PSMG1: variants seen among roughly 807,000 people sequenced by gnomAD.
PSMG1 encodes proteasome assembly chaperone 1.
A neutral mutation model predicts 37.2 loss-of-function variants in PSMG1; 23 were observed. That is an observed-to-expected ratio of 0.62 (90% CI 0.44 to 0.88). PSMG1 has a LOEUF of 0.88. Ranked by LOEUF, PSMG1 falls within the 40% of genes least tolerant of loss-of-function variation. The pLI is 0.00. For missense variants in PSMG1, 340 were observed against 344.2 expected (o/e 0.99, Z 0.10); for synonymous variants, 127 against 128.0 (o/e 0.99, Z 0.05).
chr21:39,183,126 G>A lies in PSMG1; in HGVS notation c.134+126C>T, dbSNP rs531202347. ...GACCCAGGGCCCAAGCAGAGCCAAG[G>A]AGCGGCGGCAACCGCGGGGGCCACT... On this transcript the variant is annotated intron_variant, in intron 1 of 6. Coordinates refer to ENST00000331573, the MANE Select transcript of PSMG1 (RefSeq NM_003720.4). 85 of 1,229,024 alleles carry A rather than the reference G, an allele frequency of 6.9e-5. No homozygotes were observed. The East Asian group carries it at 2.4e-3, about 35-fold the overall frequency. The allele number at this position is 1,229,024 out of a possible 1,614,324, so 76.1% of individuals were successfully genotyped here.
In PSMG1 at chr21:39,177,497, G is replaced by C. The variant is rs1213399019; in HGVS notation, c.730C>G (p.Leu244Val). 1 of 1,608,372 alleles carries C rather than the reference G, an allele frequency of 6.2e-7. No individual in the cohort carries two copies. Among genetic ancestry groups the C allele is most frequent in the East Asian group, 2.2e-5 (1 of 44,544 alleles). ...GGCTTAAAAGCTTCCACTGTGATTA[G>C]GTCTAATTTCATCACATCAGTATAA... ...LCYTDVMKLDLITVEAFKPIL... is the reference protein window; with the variant it reads ...LCYTDVMKLDVITVEAFKPIL... The change falls in exon 6 of 7, where the codon CTA becomes GTA. Residue 244 changes from leucine (L) to valine (V), a missense_variant. By Grantham distance (32) the Leu-to-Val change is conservative. Transcript: ENST00000331573.
chr21:39,180,360 A>G lies in PSMG1; in HGVS notation c.318T>C (p.Cys106=), dbSNP rs762120987. ...ACAGATGTGTAGTGTCTGTTGTTCT[A>G]CACCATTCATTCCAGAGTTTAGCAC... ...VGCAKLWNEW[C]RTTDTTHLSS... Residue 106 remains cysteine (C), a synonymous_variant, in exon 3 of 7, where the codon TGT becomes TGC. Transcript: ENST00000331573. 1 of 1,612,756 alleles carries G rather than the reference A, an allele frequency of 6.2e-7. No individual in the cohort carries two copies. Among genetic ancestry groups the G allele is most frequent in the South Asian group, 1.1e-5 (1 of 90,752 alleles).
At chr21:39,177,370 T>C in intron 6 of PSMG1, 65 bp downstream of exon 6, 1 of 1,385,714 alleles carries the variant, frequency 7.2e-7, no homozygotes, top group Non-Finnish European at 9.6e-7. Flanking sequence ...ACAGTATACA[T>C]TTATGTTTGT....
chr21:39,178,411 A>G (rs781470596), intron 5 of PSMG1, 38 bp downstream of exon 5: 24 of 1,553,230 alleles, frequency 1.5e-5, no homozygotes, highest in Non-Finnish European at 1.9e-5. Context: ...CAATAAAGCA[A>G]TAAGATAGAA....
intron 1 of PSMG1, among the ~76,000 whole-genome samples, chr21:39,182,899 T>C (rs574347082): frequency 2.0e-4 from 31 of 152,062 alleles, no homozygotes; most frequent in African/African-American, 6.0e-4. Flanking sequence ...CAAGACAGTG[T>C]GACAAGCGGG....
intron 4 of PSMG1, among the ~76,000 whole-genome samples, chr21:39,179,099 C>T (rs2030730397): frequency 6.6e-6 from 1 of 152,094 alleles, no homozygotes. Context: ...CTCATGCTCT[C>T]GCCATGTGAT....
intron 2 of PSMG1, 142 bp downstream of exon 2, chr21:39,181,630 G>A (rs1301814005): frequency 2.0e-6 from 1 of 508,484 alleles, no homozygotes; most frequent in African/African-American, 2.0e-5. Context: ...AACAGGAACA[G>A]GAGAGAGATT....
intron 2 of PSMG1, 29 bp from the exon 3 acceptor site, chr21:39,180,465 G>C: frequency 6.5e-7 from 1 of 1,545,128 alleles, no homozygotes; most frequent in Non-Finnish European, 8.7e-7. Context: ...ATAAGTTAGT[G>C]TTTGGCTCTG....
At chr21:39,177,242 A>T (rs2030657732) in intron 6 of PSMG1, among the ~76,000 whole-genome samples, 193 bp downstream of exon 6, 1 of 152,262 alleles carries the variant, frequency 6.6e-6, no homozygotes, top group Non-Finnish European at 1.5e-5. Context: ...AGAACAAAGC[A>T]TTCGTCAAGT....
intron 1 of PSMG1, 100 bp downstream of exon 1, chr21:39,183,152 C>T: frequency 1.5e-6 from 2 of 1,371,930 alleles, no homozygotes; most frequent in Non-Finnish European, 1.9e-6. Context: ...GGGGGCCACT[C>T]GGAAGACCGC....
intron 1 of PSMG1, 24 bp downstream of exon 1, chr21:39,183,228 G>A (rs377336363): frequency 1.3e-6 from 2 of 1,554,588 alleles, no homozygotes; most frequent in African/African-American, 1.4e-5. Flanking sequence ...CGGTGAGCGC[G>A]CTGCCCTTAT....
chr21:39,180,343 G>T lies in PSMG1; in HGVS notation c.335C>A (p.Thr112Lys). 6.2e-7 allele frequency: 1 copy of T among 1,613,374 alleles called. No homozygotes were observed. The highest frequency in any genetic ancestry group is 8.5e-7 in the Non-Finnish European group (1 of 1,179,600). ...AAAAGCCTCTGTGGAGGACAGATGT[G>T]TAGTGTCTGTTGTTCTACACCATTC... The part of the protein sequence containing the change: ...WNEWCRTTDT[T>K]HLSSTEAFCV... Residue 112 changes from threonine (T) to lysine (K), a missense_variant, in exon 3 of 7, where the codon ACA becomes AAA. Thr to Lys is a moderately conservative substitution (Grantham distance 78). Transcript: ENST00000331573.
Position 39,175,004 on chromosome 21 carries a change from G to A in PSMG1, c.*586C>T, listed in dbSNP as rs1335386477. ...CTTTGTCATCAATTTTTACCCACAAGATAAAAAAAACTGCAGGACTCCTAA... is the reference window on the plus strand; with the variant it reads ...CTTTGTCATCAATTTTTACCCACAAAATAAAAAAAACTGCAGGACTCCTAA... On this transcript the variant is annotated 3_prime_UTR_variant, in exon 7 of 7. Coordinates refer to ENST00000331573, the MANE Select transcript of PSMG1 (RefSeq NM_003720.4). 2.0e-5 allele frequency: 3 copies of A among 151,966 alleles called. No homozygotes were observed. The highest frequency in any genetic ancestry group is 7.3e-5 in the African/African-American group (3 of 41,370). The allele number at this position is 151,966 out of a possible 1,614,324, so 9.4% of individuals were successfully genotyped here. A position where few individuals can be genotyped will look rare whatever the true frequency, so the allele number is the denominator to read the frequency against.
At chr21:39,180,626 G>C (rs1488537962) in intron 2 of PSMG1, among the ~76,000 whole-genome samples, 190 bp from the exon 3 acceptor site, 1 of 152,174 alleles carries the variant, frequency 6.6e-6, no homozygotes, top group Non-Finnish European at 1.5e-5. Flanking sequence ...CACACCCTGA[G>C]TAAGACAATC....
At chr21:39,178,378 C>T in intron 5 of PSMG1, 71 bp downstream of exon 5, 3 of 1,404,042 alleles carry the variant, frequency 2.1e-6, no homozygotes, top group South Asian at 2.4e-5. Flanking sequence ...CTCAAAAAGA[C>T]CTCTAATGGT....
intron 4 of PSMG1, among the ~76,000 whole-genome samples, chr21:39,179,670 T>A (rs2030753095): frequency 1.3e-5 from 2 of 151,546 alleles, no homozygotes; most frequent in South Asian, 4.2e-4. Flanking sequence ...CCATCCTCAA[T>A]GCTGAGGACC....
At position 39,181,760 on chromosome 21, in the gene PSMG1, AT is replaced by A; in HGVS notation, c.241+11del. 2 of 1,498,932 alleles carry A rather than the reference AT, an allele frequency of 1.3e-6. No homozygotes were observed. Among genetic ancestry groups the A allele is most frequent in the East Asian group, 4.8e-5 (2 of 41,846 alleles). 92.9% of individuals were successfully genotyped at this position (1,498,932 alleles called of 1,614,324 possible). ...TCAACAAAATGACTAAGTCTTCTGC[AT>A]TTTCACTTACCTACTGCATTATTTC... On this transcript the variant is annotated intron_variant, in intron 2 of 6. Coordinates refer to ENST00000331573, the MANE Select transcript of PSMG1 (RefSeq NM_003720.4).
chr21:39,178,802 C>T (rs68114370), intron 4 of PSMG1, 155 bp from the exon 5 acceptor site: 66,189 of 714,050 alleles, frequency 0.093, 6,229 homozygotes, highest in East Asian at 0.45. Context: ...CCTGCTGTCA[C>T]AACCTGGGTT....
In PSMG1 at chr21:39,174,809, A is replaced by C. The variant is rs757248961; in HGVS notation, c.*781T>G. ...CTACTCCGGGTTCATGATTCCATTC[A>C]CACTCCTAATGATAACACATGACTG... On this transcript the variant is annotated 3_prime_UTR_variant, in exon 7 of 7. Transcript: ENST00000331573. The C allele has an allele frequency of 1.3e-5, 2 of 152,194 alleles. No homozygotes were observed. The highest frequency in any genetic ancestry group is 2.9e-5 in the Non-Finnish European group (2 of 68,040). 9.4% of individuals were successfully genotyped at this position (152,194 alleles called of 1,614,324 possible).
Sources: gnomAD v4.1 joint callset for allele counts (sites outside exome capture counted in the v4.1 genomes callset) on GRCh38, gnomAD v4.1.1 for gene constraint, MANE v1.5 for transcripts, NCBI Gene and HGNC (gene_info 2026-07-23, HGNC 2026-07-21) for gene names.